Variants in MSRB3 observed in about 807,000 individuals in gnomAD.
The protein encoded by MSRB3 is methionine-R-sulfoxide reductase B3.
MSRB3 carries 13 observed loss-of-function variants against 21.0 expected under a neutral mutation model. The ratio of observed to expected loss-of-function variants is 0.62; its 90% CI spans 0.40 to 0.98. The LOEUF is 0.98. Ranked by LOEUF, MSRB3 falls within the 50% of genes least tolerant of loss-of-function variation. MSRB3 has a pLI of 0.00. For missense variants in MSRB3, 199 were observed against 230.3 expected (o/e 0.86, Z 0.88); for synonymous variants, 87 against 88.6 (o/e 0.98, Z 0.10).
chr12:65,371,573 A>ATGTGTGTGTGTGTG (rs149808439), intron 5 of MSRB3, among the ~76,000 whole-genome samples: 2 of 147,880 alleles, frequency 1.4e-5, no homozygotes, highest in African/African-American at 4.9e-5. Context: ...GTTAAATTTT[A>ATGTGTGTGTGTGTG]TGTGTGTGTG....
At chr12:65,433,881 G>T (rs1881998492) in intron 5 of MSRB3, among the ~76,000 whole-genome samples, 1 of 151,788 alleles carries the variant, frequency 6.6e-6, no homozygotes, top group South Asian at 2.1e-4. Flanking sequence ...TGCCTCACTA[G>T]ATGTGGCAGT....
At chr12:65,368,212 C>T (rs78815784) in intron 4 of MSRB3, among the ~76,000 whole-genome samples, 34 of 152,208 alleles carry the variant, frequency 2.2e-4, no homozygotes, top group Non-Finnish European at 4.4e-4. Flanking sequence ...ACAGGACTCC[C>T]GCTGGTTGGT....
In MSRB3 at chr12:65,406,167, C is replaced by G. The variant is rs541701999; in HGVS notation, c.292+37141C>G. Among the ~76,000 whole-genome samples, 8 of 152,176 alleles carry G rather than the reference C, an allele frequency of 5.3e-5. No individual in the cohort carries two copies. The South Asian group carries it at 1.7e-3, about 32-fold the overall frequency. On this transcript the variant is annotated intron_variant, in intron 5 of 6. Coordinates refer to ENST00000308259, the MANE Select transcript of MSRB3 (RefSeq NM_001031679.3). ...GTCCAGATAAGTGTCATCGAGCTTT[C>G]TCTCTGTGTTTTATTCAAGTAGTTT...
At chr12:65,410,522 T>C (rs139453505) in intron 5 of MSRB3, among the ~76,000 whole-genome samples, 226 of 152,146 alleles carry the variant, frequency 1.5e-3, no homozygotes, top group African/African-American at 5.1e-3. Flanking sequence ...CATGCACCTA[T>C]AGTCACAGCT....
chr12:65,416,652 A>G (rs149756840), intron 5 of MSRB3, among the ~76,000 whole-genome samples: 1 of 152,358 alleles, frequency 6.6e-6, no homozygotes, highest in Admixed American at 6.5e-5. Context: ...CTAAACATAG[A>G]AAAGGTAATG....
chr12:65,425,096 A>G (rs1881527438), intron 5 of MSRB3, among the ~76,000 whole-genome samples: 2 of 121,744 alleles, frequency 1.6e-5, no homozygotes, highest in Admixed American at 1.6e-4. Flanking sequence ...TGACTGCTTT[A>G]TCGTTATATA....
chr12:65,308,907 T>A, intron 2 of MSRB3: 1 of 556,534 alleles, frequency 1.8e-6, no homozygotes. Context: ...TCATATCTTC[T>A]TGTTCTTTAA....
At chr12:65,298,304 G>T (rs1873106658) in intron 1 of MSRB3, among the ~76,000 whole-genome samples, 1 of 152,168 alleles carries the variant, frequency 6.6e-6, no homozygotes. Flanking sequence ...ACACCCTGCT[G>T]ATGGGACTAC....
chr12:65,389,004 G>A (rs1879332372), intron 5 of MSRB3, among the ~76,000 whole-genome samples: 1 of 152,178 alleles, frequency 6.6e-6, no homozygotes, highest in Admixed American at 6.5e-5. Context: ...CTTAAGGGAT[G>A]GCTTCTTCCT....
At chr12:65,427,154 G>A (rs567931503) in intron 5 of MSRB3, among the ~76,000 whole-genome samples, 1 of 152,242 alleles carries the variant, frequency 6.6e-6, no homozygotes, top group South Asian at 2.1e-4. Context: ...TGGTGGAACA[G>A]TCACCTCTTC....
At chr12:65,409,912 T>TA (rs1289914867) in intron 5 of MSRB3, among the ~76,000 whole-genome samples, 1 of 152,202 alleles carries the variant, frequency 6.6e-6, no homozygotes, top group East Asian at 1.9e-4. Flanking sequence ...ACACTTTTGG[T>TA]AATTGTTGCC....
At chr12:65,360,235 G>A (rs575151842) in intron 4 of MSRB3, among the ~76,000 whole-genome samples, 3 of 152,082 alleles carry the variant, frequency 2.0e-5, no homozygotes, top group African/African-American at 7.2e-5. Context: ...ATCAACATAC[G>A]AATTTTGGGG....
chr12:65,439,423 C>A (rs1418613164), intron 5 of MSRB3, among the ~76,000 whole-genome samples: 2 of 151,500 alleles, frequency 1.3e-5, no homozygotes, highest in Admixed American at 1.3e-4. Flanking sequence ...GTACAATCAA[C>A]TTTTTTTAAT....
Position 65,463,402 on chromosome 12 carries a change from T to A in MSRB3, c.*80T>A, listed in dbSNP as rs1169780290. 3 of 1,516,948 alleles carry A rather than the reference T, an allele frequency of 2.0e-6. No individual in the cohort carries two copies. In the Admixed American group the frequency reaches 6.0e-5, roughly 30 times the overall value. The allele number at this position is 1,516,948 out of a possible 1,614,324, so 94.0% of individuals were successfully genotyped here. ...ATCAAAATTGTTATCTTAATAGATA[T>A]ATTTTTTCAAAAACTATAAGGGCAG... On this transcript the variant is annotated 3_prime_UTR_variant, in exon 7 of 7. Coordinates refer to ENST00000308259, the MANE Select transcript of MSRB3 (RefSeq NM_001031679.3).
chr12:65,390,906 A>G (rs1879450295), intron 5 of MSRB3, among the ~76,000 whole-genome samples: 1 of 152,202 alleles, frequency 6.6e-6, no homozygotes, highest in African/African-American at 2.4e-5. Flanking sequence ...TATAAAAGGT[A>G]TATATATTAA....
chr12:65,348,895 T>C (rs535802945), intron 4 of MSRB3, among the ~76,000 whole-genome samples: 59 of 151,272 alleles, frequency 3.9e-4, no homozygotes, highest in African/African-American at 1.1e-3. Context: ...GGTTGTGCGG[T>C]TTTGAGTGAG....
chr12:65,421,851 C>G (rs958178531), intron 5 of MSRB3, among the ~76,000 whole-genome samples: 1 of 152,124 alleles, frequency 6.6e-6, no homozygotes, highest in Admixed American at 6.5e-5. Context: ...GTTAACAACA[C>G]AATGACAGGA....
chr12:65,357,715 C>T (rs1180937270), intron 4 of MSRB3, among the ~76,000 whole-genome samples: 1 of 151,916 alleles, frequency 6.6e-6, no homozygotes, highest in Non-Finnish European at 1.5e-5. Context: ...GAGTCATGAT[C>T]AGGCATTTTG....
intron 5 of MSRB3, among the ~76,000 whole-genome samples, chr12:65,408,852 T>C (rs921805791): frequency 1.3e-5 from 2 of 152,198 alleles, no homozygotes; most frequent in East Asian, 3.9e-4. Flanking sequence ...TAGGCTCTGG[T>C]AAAATACTTT....
Sources: allele counts gnomAD v4.1 joint callset (sites outside exome capture counted in the v4.1 genomes callset), GRCh38; gene constraint gnomAD v4.1.1; transcripts MANE v1.5; gene names NCBI Gene and HGNC (gene_info 2026-07-23, HGNC 2026-07-21).